The following SYCP2L variants were observed in gnomAD, a reference collection of about 807,000 sequenced individuals.
The protein encoded by SYCP2L is synaptonemal complex protein 2-like.
Under a neutral mutation model 125.8 loss-of-function variants are expected in SYCP2L, and 98 were observed. That is an observed-to-expected ratio of 0.78 (90% CI 0.66 to 0.92). The LOEUF (loss-of-function observed/expected upper bound fraction) is 0.92, where lower values mean the gene tolerates loss of function less well. Ranked by LOEUF, SYCP2L falls within the 40% of genes least tolerant of loss-of-function variation. SYCP2L has a pLI of 0.00. For missense variants in SYCP2L, 842 were observed against 936.4 expected (o/e 0.90, Z 1.32); for synonymous variants, 317 against 325.4 (o/e 0.97, Z 0.28).
chr6:10,907,762 G>A (rs1780523482), intron 10 of SYCP2L, 78 bp downstream of exon 10: 17 of 1,475,790 alleles, frequency 1.2e-5, no homozygotes, highest in Non-Finnish European at 1.4e-5. Context: ...TGTGCATTGG[G>A]CTTACGGGAG....
At chr6:10,949,706 A>ATT (rs1388249566) in intron 23 of SYCP2L, among the ~76,000 whole-genome samples, 1 of 133,966 alleles carries the variant, frequency 7.5e-6, no homozygotes, top group East Asian at 2.2e-4. Context: ...TTTGGCTAAT[A>ATT]TTTACCTGAT....
At position 10,974,291 on chromosome 6, in the gene SYCP2L, T is replaced by G. The variant is rs1781822098; in HGVS notation, c.*377T>G. 2 of 152,308 alleles carry G rather than the reference T, an allele frequency of 1.3e-5. No individual in the cohort carries two copies. The highest frequency in any genetic ancestry group is 4.1e-4 in the South Asian group (2 of 4,822). The allele number at this position is 152,308 out of a possible 1,614,324, so 9.4% of individuals were successfully genotyped here. A position where few individuals can be genotyped will look rare whatever the true frequency, so the allele number is the denominator to read the frequency against. On this transcript the variant is annotated 3_prime_UTR_variant, in exon 30 of 30. Coordinates refer to ENST00000283141, the MANE Select transcript of SYCP2L (RefSeq NM_001040274.3). Reference sequence around the variant, plus strand: ...TCAAGTTTTGTGTGAATAAAACACTTTAGCAGCATCTGTATAAATACAATT... The same window carrying G: ...TCAAGTTTTGTGTGAATAAAACACTGTAGCAGCATCTGTATAAATACAATT...
In SYCP2L at chr6:10,903,040, T is replaced by C. The variant is rs1162173919; in HGVS notation, c.641+77T>C. On this transcript the variant is annotated intron_variant, in intron 8 of 29. Transcript: ENST00000283141. ...GAGTGTATGGCTTCAGTCTGTGTTC[T>C]ACTTAGACCTGATTATGTCCTTTCT... is the stretch of plus-strand genomic sequence containing the variant. 3.4e-6 allele frequency: 4 copies of C among 1,160,494 alleles called. No individual in the cohort carries two copies. The East Asian group carries it at 7.1e-5, about 21-fold the overall frequency. 71.9% of individuals were successfully genotyped at this position (1,160,494 alleles called of 1,614,324 possible).
intron 29 of SYCP2L, among the ~76,000 whole-genome samples, chr6:10,967,454 G>GGT (rs3066151): frequency 0.066 from 9,207 of 138,814 alleles, 342 homozygotes; most frequent in African/African-American, 0.11. Flanking sequence ...TGGGGTAGAG[G>GGT]GTGTGTGTGT....
chr6:10,936,065 GT>G (rs1311909827), intron 21 of SYCP2L, among the ~76,000 whole-genome samples: 3 of 151,796 alleles, frequency 2.0e-5, no homozygotes, highest in African/African-American at 7.3e-5. Context: ...TATTAATATT[GT>G]TCATTATTCT....
chr6:10,964,702 T>G (rs562687778), intron 29 of SYCP2L, among the ~76,000 whole-genome samples: 1 of 152,224 alleles, frequency 6.6e-6, no homozygotes, highest in South Asian at 2.1e-4. Flanking sequence ...AGATACATTT[T>G]TTGAAGGAAG....
chr6:10,925,876 A>C (rs1780888098), intron 15 of SYCP2L, among the ~76,000 whole-genome samples: 1 of 152,204 alleles, frequency 6.6e-6, no homozygotes, highest in Admixed American at 6.5e-5. Flanking sequence ...CAGTTTCACA[A>C]AATGAATAAT....
chr6:10,919,324 C>T (rs1247108476), intron 14 of SYCP2L, among the ~76,000 whole-genome samples: 1 of 152,128 alleles, frequency 6.6e-6, no homozygotes, highest in African/African-American at 2.4e-5. Context: ...GAGAGCCGAG[C>T]CGTAGGGACT....
intron 23 of SYCP2L, among the ~76,000 whole-genome samples, chr6:10,951,046 A>T (rs1309388398): frequency 6.6e-6 from 1 of 152,152 alleles, no homozygotes; most frequent in African/African-American, 2.4e-5. Flanking sequence ...AGTCAGGAGG[A>T]TAGTTCCTTC....
At chr6:10,909,403 C>T (rs760949349) in intron 10 of SYCP2L, among the ~76,000 whole-genome samples, 4 of 152,194 alleles carry the variant, frequency 2.6e-5, no homozygotes, top group African/African-American at 4.8e-5. Context: ...GCTGGGATTA[C>T]AGGCGAGAGC....
chr6:10,928,915 CTT>C (rs751666059), intron 18 of SYCP2L, among the ~76,000 whole-genome samples: 5,046 of 141,584 alleles, frequency 0.036, 303 homozygotes, highest in African/African-American at 0.12. Flanking sequence ...CTTTTCTTTA[CTT>C]TTTTTTTTTT....
chr6:10,966,265 A>G lies in SYCP2L; in HGVS notation c.*37+2422A>G, dbSNP rs546390675. On this transcript the variant is annotated intron_variant, in intron 29 of 29. Coordinates refer to ENST00000283141, the MANE Select transcript of SYCP2L (RefSeq NM_001040274.3). ...AAGATGGTTCGATATTAGGGAATCT[A>G]CTAATACATTAATTACCAGTAGATC... Among the ~76,000 whole-genome samples the G allele has an allele frequency of 3.3e-5, 5 of 152,364 alleles. No homozygotes were observed. The South Asian group carries it at 1.0e-3, about 32-fold the overall frequency.
chr6:10,940,167 G>A (rs978439882), intron 21 of SYCP2L, among the ~76,000 whole-genome samples: 7 of 152,108 alleles, frequency 4.6e-5, no homozygotes, highest in African/African-American at 1.7e-4. Flanking sequence ...AGCTATTATC[G>A]AAAAGACAGG....
Position 10,902,893 on chromosome 6 carries a change from T to G in SYCP2L, c.571T>G (p.Cys191Gly). Residue 191 changes from cysteine to glycine, a missense_variant, in exon 8 of 30, where the codon TGC becomes GGC. Physicochemically the swap from Cys to Gly is radical, Grantham distance 159. Transcript: ENST00000283141. Reference protein sequence around the residue: ...LQQEGLKTFNCILHAVPREER... With the variant: ...LQQEGLKTFNGILHAVPREER... ...CAAAAAGGGCTTGAAGACTTTTAACTGCATTTTGCACGCTGTCCCTCGAGA... is the reference window on the plus strand; with the variant it reads ...CAAAAAGGGCTTGAAGACTTTTAACGGCATTTTGCACGCTGTCCCTCGAGA... 1 of 1,614,232 alleles carries G rather than the reference T, an allele frequency of 6.2e-7. No homozygotes were observed. Among genetic ancestry groups the G allele is most frequent in the Non-Finnish European group, 8.5e-7 (1 of 1,180,044 alleles).
At chr6:10,899,047 G>C (rs1780332610) in intron 6 of SYCP2L, among the ~76,000 whole-genome samples, 199 bp downstream of exon 6, 1 of 152,164 alleles carries the variant, frequency 6.6e-6, no homozygotes, top group Non-Finnish European at 1.5e-5. Flanking sequence ...TGTCTGAGAA[G>C]CATTTTTATT....
At chr6:10,897,400 T>TCACTTATC (rs1458897574) in intron 4 of SYCP2L, among the ~76,000 whole-genome samples, 1 of 139,542 alleles carries the variant, frequency 7.2e-6, no homozygotes, top group Admixed American at 8.2e-5. Flanking sequence ...CTGGGGAGGC[T>TCACTTATC]CACTTATCTC....
intron 14 of SYCP2L, among the ~76,000 whole-genome samples, chr6:10,922,470 T>C (rs1206418756): frequency 6.6e-6 from 1 of 151,116 alleles, no homozygotes; most frequent in Non-Finnish European, 1.5e-5. Context: ...AGTTACTTTT[T>C]TTTTTTTTTT....
chr6:10,910,180 C>T lies in SYCP2L; in HGVS notation c.852C>T (p.Asn284=). ...GACGTTTTCTCAATCACCTAAACAA[C>T]AGACTTGGTGACCAAAGAAGGTAAG... The part of the protein sequence containing the change: ...DSRRFLNHLN[N]RLGDQRRVYS... The change falls in exon 11 of 30, where the codon AAC becomes AAT. Residue 284 remains asparagine (N), a synonymous_variant. Coordinates refer to ENST00000283141, the MANE Select transcript of SYCP2L (RefSeq NM_001040274.3). The T allele has an allele frequency of 6.2e-7, 1 of 1,613,798 alleles. No individual in the cohort carries two copies.
At chr6:10,897,898 A>C in intron 4 of SYCP2L, 113 bp from the exon 5 acceptor site, 3 of 722,420 alleles carry the variant, frequency 4.2e-6, no homozygotes, top group Non-Finnish European at 2.4e-6. Flanking sequence ...ATGGAATGGA[A>C]TGGGAAAAGA....
Sources: gnomAD v4.1 joint callset for allele counts (sites outside exome capture counted in the v4.1 genomes callset) on GRCh38, gnomAD v4.1.1 for gene constraint, MANE v1.5 for transcripts, NCBI Gene and HGNC (gene_info 2026-07-23, HGNC 2026-07-21) for gene names.